FRRS1L: variants seen among roughly 807,000 people sequenced by gnomAD.
The protein encoded by FRRS1L is ferric chelate reductase 1 like, also known as DOMON domain-containing protein FRRS1L.
FRRS1L carries 22 observed loss-of-function variants against 28.6 expected under a neutral mutation model. That is an observed-to-expected ratio of 0.77 (90% CI 0.55 to 1.10). The LOEUF is 1.10. FRRS1L is among the 50% of genes least tolerant of loss of function. The pLI is 0.00. For synonymous variants in FRRS1L, 158 were observed against 151.4 expected, an observed-to-expected ratio of 1.04 and a Z score of -0.32; for missense variants, 380 against 386.9, an observed-to-expected ratio of 0.98 and a Z score of 0.15.
chr9:109,165,029 C>T (rs999654404), intron 1 of FRRS1L, among the ~76,000 whole-genome samples: 6 of 152,218 alleles, frequency 3.9e-5, no homozygotes, highest in African/African-American at 1.4e-4. Flanking sequence ...CTGAGCTTAT[C>T]CTTCATTTGT....
chr9:109,159,928 T>A (rs572162818), intron 1 of FRRS1L, among the ~76,000 whole-genome samples: 4 of 152,306 alleles, frequency 2.6e-5, no homozygotes, highest in African/African-American at 9.6e-5. Context: ...TTAAAATAAA[T>A]CTGTCTACAT....
At position 109,130,490 on chromosome 9, in the gene FRRS1L, A is replaced by G. The variant is rs1203261834; in HGVS notation, c.*6965T>C. On this transcript the variant is annotated 3_prime_UTR_variant, in exon 5 of 5. Coordinates refer to ENST00000561981, the MANE Select transcript of FRRS1L (RefSeq NM_014334.4). Reference sequence around the variant, plus strand: ...GAATATTGCTACAATTACTTTACATAAATAGAAATCCACGTCTTTATTAGT... The same window carrying G: ...GAATATTGCTACAATTACTTTACATGAATAGAAATCCACGTCTTTATTAGT... The G allele has an allele frequency of 6.6e-6, 1 of 152,240 alleles. No homozygotes were observed. Among genetic ancestry groups the G allele is most frequent in the Non-Finnish European group, 1.5e-5 (1 of 68,038 alleles). The allele number at this position is 152,240 out of a possible 1,614,324, so 9.4% of individuals were successfully genotyped here. A position where few individuals can be genotyped will look rare whatever the true frequency, so the allele number is the denominator to read the frequency against.
intron 3 of FRRS1L, among the ~76,000 whole-genome samples, chr9:109,144,821 T>C (rs10979708): frequency 0.14 from 20,799 of 151,862 alleles, 1,547 homozygotes; most frequent in South Asian, 0.17. Context: ...GTAGCTGGGA[T>C]TACAGGCGCC....
At chr9:109,165,277 T>C (rs1386124100) in intron 1 of FRRS1L, among the ~76,000 whole-genome samples, 2 of 152,240 alleles carry the variant, frequency 1.3e-5, no homozygotes, top group Non-Finnish European at 2.9e-5. Flanking sequence ...GCCAAAGGAA[T>C]GTGAACAGCA....
intron 4 of FRRS1L, chr9:109,139,277 T>C (rs369391138): frequency 6.6e-6 from 1 of 151,956 alleles, no homozygotes; most frequent in African/African-American, 2.4e-5. Flanking sequence ...GTATATGGGG[T>C]AGGAATGTGC....
rs561813866 is a variant in FRRS1L at position 109,136,195 on chromosome 9, T to G, written c.*1260A>C. ...TGCAGTGAAGCTGAGATCACACCAT[T>G]GTACTCCAGCCTGGGCGACAAGAGG... is the stretch of plus-strand genomic sequence containing the variant. On this transcript the variant is annotated 3_prime_UTR_variant, in exon 5 of 5. Coordinates refer to ENST00000561981, the MANE Select transcript of FRRS1L (RefSeq NM_014334.4). 1 of 150,898 alleles carries G rather than the reference T, an allele frequency of 6.6e-6. No individual in the cohort carries two copies. The highest frequency in any genetic ancestry group is 2.1e-4 in the South Asian group (1 of 4,740). The allele number at this position is 150,898 out of a possible 1,614,324, so 9.3% of individuals were successfully genotyped here. A position where few individuals can be genotyped will look rare whatever the true frequency, so the allele number is the denominator to read the frequency against.
At chr9:109,165,327 T>C (rs2118519244) in intron 1 of FRRS1L, among the ~76,000 whole-genome samples, 1 of 152,366 alleles carries the variant, frequency 6.6e-6, no homozygotes, top group Non-Finnish European at 1.5e-5. Context: ...CTACTTGCCC[T>C]GAACTTCTCT....
chr9:109,157,963 C>T (rs1371239685), intron 1 of FRRS1L, among the ~76,000 whole-genome samples: 1 of 152,200 alleles, frequency 6.6e-6, no homozygotes, highest in Non-Finnish European at 1.5e-5. Context: ...GTGATCAAAA[C>T]TCTTCTGTAA....
chr9:109,167,029 G>C lies in FRRS1L; in HGVS notation c.110C>G (p.Pro37Arg), dbSNP rs761439057. The C allele has an allele frequency of 1.7e-6, 2 of 1,207,164 alleles. No homozygotes were observed. Among genetic ancestry groups the C allele is most frequent in the Non-Finnish European group, 1.0e-6 (1 of 974,132 alleles). 74.8% of individuals were successfully genotyped at this position (1,207,164 alleles called of 1,614,324 possible). A position where few individuals can be genotyped will look rare whatever the true frequency, so the allele number is the denominator to read the frequency against. The stretch of plus-strand genomic sequence containing the variant: ...GCGTCCCCGGGGTCCCCGGCCCCCC[G>C]GGCCCGCACCGTCGTCCGCGGGGCT... Reference protein sequence around the residue: ...AASPADDGAGPGGRGPRGRAR... With the variant: ...AASPADDGAGRGGRGPRGRAR... Residue 37 changes from proline (P) to arginine (R), a missense_variant, in exon 1 of 5, where the codon CCG becomes CGG. Transcript: ENST00000561981.
At chr9:109,163,306 G>A (rs1379951510) in intron 1 of FRRS1L, among the ~76,000 whole-genome samples, 1 of 152,172 alleles carries the variant, frequency 6.6e-6, no homozygotes, top group Non-Finnish European at 1.5e-5. Flanking sequence ...CTGAACTCCT[G>A]ACCATAGACA....
intron 3 of FRRS1L, among the ~76,000 whole-genome samples, chr9:109,144,706 G>A (rs765328671): frequency 6.6e-6 from 1 of 150,478 alleles, no homozygotes; most frequent in Non-Finnish European, 1.5e-5. Context: ...TTTTTGAGAC[G>A]GAGTTTCATT....
In FRRS1L at chr9:109,134,356, C is replaced by A. The variant is rs1420397631; in HGVS notation, c.*3099G>T. On this transcript the variant is annotated 3_prime_UTR_variant, in exon 5 of 5. Coordinates refer to ENST00000561981, the MANE Select transcript of FRRS1L (RefSeq NM_014334.4). ...CATGTTGATGAGGAAGCCCAATGTG[C>A]TATGGGAGCATTTGATGGGGGCCTG... 1 of 152,198 alleles carries A rather than the reference C, an allele frequency of 6.6e-6. No homozygotes were observed. The highest frequency in any genetic ancestry group is 1.9e-4 in the East Asian group (1 of 5,208). 9.4% of individuals were successfully genotyped at this position (152,198 alleles called of 1,614,324 possible). A position where few individuals can be genotyped will look rare whatever the true frequency, so the allele number is the denominator to read the frequency against.
In FRRS1L at chr9:109,143,482, AT is replaced by A. The variant is rs1419435494; in HGVS notation, c.463-1894del. 4.0e-5 allele frequency among the ~76,000 whole-genome samples: 6 copies of A among 150,782 alleles called. No individual in the cohort carries two copies. In the East Asian group the frequency reaches 1.2e-3, roughly 29 times the overall value. On this transcript the variant is annotated intron_variant, in intron 3 of 4. Coordinates refer to ENST00000561981, the MANE Select transcript of FRRS1L (RefSeq NM_014334.4). The stretch of plus-strand genomic sequence containing the variant: ...AAACTGCTGTAAAACGTAAAGTCTA[AT>A]TAAAACACACACACACGCACACAAT...
rs1188379639 is a variant in FRRS1L, at chr9:109,133,175, T to TA, written c.*4279dup. The TA allele has an allele frequency of 3.3e-5, 5 of 152,184 alleles. No individual in the cohort carries two copies. Among genetic ancestry groups the TA allele is most frequent in the African/African-American group, 9.6e-5 (4 of 41,524 alleles). 9.4% of individuals were successfully genotyped at this position (152,184 alleles called of 1,614,324 possible). ...TTCACCTTTTGACTCAGCGGAGCAA[T>TA]AAAAAAAGCACTGGGCTCCAAGTTA... On this transcript the variant is annotated 3_prime_UTR_variant, in exon 5 of 5. Transcript: ENST00000561981.
At chr9:109,140,996 A>C (rs1252756779) in intron 4 of FRRS1L, 2 of 290,846 alleles carry the variant, frequency 6.9e-6, no homozygotes, top group Admixed American at 9.0e-5. Context: ...TAATACCTAT[A>C]CCTCTCAAGG....
intron 1 of FRRS1L, chr9:109,150,880 A>G (rs1288284322): frequency 6.6e-6 from 1 of 152,252 alleles, no homozygotes. Flanking sequence ...TGATTGTCAA[A>G]GGAATAAATA....
At position 109,135,581 on chromosome 9, in the gene FRRS1L, G is replaced by C. The variant is rs531639803; in HGVS notation, c.*1874C>G. 6.6e-6 allele frequency: 1 copy of C among 152,334 alleles called. No individual in the cohort carries two copies. Among genetic ancestry groups the C allele is most frequent in the South Asian group, 2.1e-4 (1 of 4,820 alleles). 9.4% of individuals were successfully genotyped at this position (152,334 alleles called of 1,614,324 possible). ...TTCTCGTGCCTCAGCCTCCCAAGTG[G>C]CTGGGATTACAGGCATGTGCCACCA... On this transcript the variant is annotated 3_prime_UTR_variant, in exon 5 of 5. Transcript: ENST00000561981.
intron 3 of FRRS1L, among the ~76,000 whole-genome samples, chr9:109,146,131 A>G (rs1831257382): frequency 6.6e-6 from 1 of 152,160 alleles, no homozygotes; most frequent in African/African-American, 2.4e-5. Context: ...TGGGAGGTGC[A>G]GGCTGCAATG....
At chr9:109,146,740 G>A (rs1831266883) in intron 3 of FRRS1L, among the ~76,000 whole-genome samples, 1 of 152,064 alleles carries the variant, frequency 6.6e-6, no homozygotes, top group African/African-American at 2.4e-5. Flanking sequence ...CTGCACCCCA[G>A]TCAATCCATG....
Sources: allele counts gnomAD v4.1 joint callset (sites outside exome capture counted in the v4.1 genomes callset), GRCh38; gene constraint gnomAD v4.1.1; transcripts MANE v1.5; gene names NCBI Gene and HGNC (gene_info 2026-07-23, HGNC 2026-07-21).